ARHGEF28: variants seen among roughly 807,000 people sequenced by gnomAD.
ARHGEF28 encodes 190 kDa guanine nucleotide exchange factor.
ARHGEF28 carries 152 observed loss-of-function variants against 206.6 expected under a neutral mutation model. The observed-to-expected ratio is 0.74, with a 90% CI of 0.64 to 0.84. The LOEUF is 0.84. Among genes scored for constraint, ARHGEF28 ranks in the 40% least tolerant of loss-of-function variants. ARHGEF28 has a pLI of 0.00. For missense variants in ARHGEF28, 2,028 were observed against 2,073.2 expected (o/e 0.98, Z 0.42); for synonymous variants, 763 against 776.4 (o/e 0.98, Z 0.29).
At chr5:73,911,194 G>C in intron 34 of ARHGEF28, 81 bp from the exon 35 acceptor site, 1 of 1,322,744 alleles carries the variant, frequency 7.6e-7, no homozygotes, top group South Asian at 1.5e-5. Flanking sequence ...TGATTCCTAA[G>C]ATTCTCTCAG....
intron 9 of ARHGEF28, among the ~76,000 whole-genome samples, chr5:73,802,735 A>C (rs905580403): frequency 3.9e-5 from 6 of 152,210 alleles, no homozygotes; most frequent in African/African-American, 1.4e-4. Flanking sequence ...GTTTTATAAA[A>C]AGTTAAAATA....
rs117665428 is a variant in ARHGEF28, at chr5:73,938,845, G to A, written c.4949-1999G>A. 2.2e-3 allele frequency among the ~76,000 whole-genome samples: 329 copies of A among 151,960 alleles called. 11 individuals are homozygous for A. In the East Asian group the frequency reaches 0.053, roughly 24 times the overall value. The stretch of plus-strand genomic sequence containing the variant: ...CCCTGACAAGGAAATCATTGCCTGG[G>A]AATATTTTTGTTCGCCCGATTAAGG... On this transcript the variant is annotated intron_variant, in intron 35 of 35. Transcript: ENST00000513042.
At chr5:73,697,452 A>G (rs1325993358) in intron 2 of ARHGEF28, among the ~76,000 whole-genome samples, 1 of 152,220 alleles carries the variant, frequency 6.6e-6, no homozygotes, top group Non-Finnish European at 1.5e-5. Context: ...TGGGAAGTCC[A>G]AAGTTGAGGG....
intron 24 of ARHGEF28, 97 bp downstream of exon 24, chr5:73,883,981 T>G (rs1378209998): frequency 6.6e-6 from 4 of 606,098 alleles, no homozygotes; most frequent in Non-Finnish European, 1.0e-5. Flanking sequence ...TGGTCTCTGA[T>G]TCATAAAGAG....
At chr5:73,919,027 G>A (rs187769666) in intron 35 of ARHGEF28, among the ~76,000 whole-genome samples, 1 of 152,142 alleles carries the variant, frequency 6.6e-6, no homozygotes, top group South Asian at 2.1e-4. Flanking sequence ...CCTGGACTCT[G>A]GCTCCTACTG....
chr5:73,639,839 A>ATT (rs1231270946), intron 1 of ARHGEF28, among the ~76,000 whole-genome samples: 1 of 152,206 alleles, frequency 6.6e-6, no homozygotes, highest in Non-Finnish European at 1.5e-5. Context: ...GATTAGTGGT[A>ATT]TGCTTTTTCA....
chr5:73,704,821 G>T (rs1748838498), intron 2 of ARHGEF28, among the ~76,000 whole-genome samples: 2 of 152,134 alleles, frequency 1.3e-5, no homozygotes, highest in Non-Finnish European at 2.9e-5. Flanking sequence ...AACCTCTTTG[G>T]TTGGGATTTG....
chr5:73,827,074 A>G (rs1206984059), intron 9 of ARHGEF28, among the ~76,000 whole-genome samples: 1 of 152,190 alleles, frequency 6.6e-6, no homozygotes, highest in African/African-American at 2.4e-5. Context: ...TTTATCCTGC[A>G]GTTATAATCC....
At chr5:73,891,260 G>A (rs570600832) in intron 26 of ARHGEF28, among the ~76,000 whole-genome samples, 98 of 152,180 alleles carry the variant, frequency 6.4e-4, no homozygotes, top group Non-Finnish European at 1.2e-3. Flanking sequence ...GGAATCAAAG[G>A]TCTTGCCACT....
chr5:73,635,864 C>T (rs1300318105), intron 1 of ARHGEF28, among the ~76,000 whole-genome samples: 2 of 152,152 alleles, frequency 1.3e-5, no homozygotes, highest in Non-Finnish European at 2.9e-5. Flanking sequence ...GCACAAAACG[C>T]ATTGCCAATG....
chr5:73,898,202 A>G (rs371352540), intron 30 of ARHGEF28, 109 bp downstream of exon 30: 1 of 1,337,780 alleles, frequency 7.5e-7, no homozygotes, highest in Non-Finnish European at 1.0e-6. Flanking sequence ...GGGACTTGAT[A>G]TATTTTTTTA....
intron 1 of ARHGEF28, among the ~76,000 whole-genome samples, chr5:73,663,388 G>A (rs1745742862): frequency 1.3e-5 from 2 of 152,328 alleles, no homozygotes; most frequent in Middle Eastern, 6.8e-3. Flanking sequence ...GGACTGGTGT[G>A]CCCTCGTTTC....
chr5:73,827,601 G>T (rs987886756), intron 9 of ARHGEF28, among the ~76,000 whole-genome samples: 3 of 152,148 alleles, frequency 2.0e-5, no homozygotes, highest in African/African-American at 7.2e-5. Flanking sequence ...ATAGGTGGTG[G>T]AGTAGAGACT....
At chr5:73,925,702 T>TGGAAC (rs765628071) in intron 35 of ARHGEF28, among the ~76,000 whole-genome samples, 9 of 152,166 alleles carry the variant, frequency 5.9e-5, no homozygotes, top group Non-Finnish European at 1.0e-4. Context: ...TGGAATGGAA[T>TGGAAC]GGAACACTTT....
intron 4 of ARHGEF28, among the ~76,000 whole-genome samples, chr5:73,755,413 G>C (rs1752253921): frequency 6.6e-6 from 1 of 152,058 alleles, no homozygotes; most frequent in South Asian, 2.1e-4. Context: ...GGCAGATGCA[G>C]GTTAGTCCCA....
chr5:73,797,062 T>C (rs1754865105), intron 9 of ARHGEF28, among the ~76,000 whole-genome samples: 1 of 152,344 alleles, frequency 6.6e-6, no homozygotes, highest in Admixed American at 6.5e-5. Context: ...CTACGGAAAT[T>C]GTAGTAGTCT....
At chr5:73,729,685 G>A (rs979746701) in intron 2 of ARHGEF28, among the ~76,000 whole-genome samples, 3 of 151,984 alleles carry the variant, frequency 2.0e-5, no homozygotes, top group Non-Finnish European at 2.9e-5. Context: ...AGCTTCTTTT[G>A]ATATTATGGA....
Position 73,870,009 on chromosome 5 carries a change from G to A in ARHGEF28, c.2426-60G>A, listed in dbSNP as rs746815701. On this transcript the variant is annotated intron_variant, in intron 20 of 35. Coordinates refer to ENST00000513042, the MANE Select transcript of ARHGEF28 (RefSeq NM_001177693.2). ...GTGAGGAATCCATAGACAAATATAC[G>A]AAGGTATATTTGTGCTGCATTATTG... 8 of 1,543,970 alleles carry A rather than the reference G, an allele frequency of 5.2e-6. 1 individual carries two copies. The highest frequency in any genetic ancestry group is 4.8e-5 in the South Asian group (4 of 83,584).
intron 5 of ARHGEF28, among the ~76,000 whole-genome samples, chr5:73,775,313 T>C (rs778752762): frequency 1.3e-5 from 2 of 152,158 alleles, no homozygotes; most frequent in Non-Finnish European, 2.9e-5. Context: ...AGAAGTAGAG[T>C]GTAAGCTAAA....
Sources: gnomAD v4.1 joint callset for allele counts (sites outside exome capture counted in the v4.1 genomes callset) on GRCh38, gnomAD v4.1.1 for gene constraint, MANE v1.5 for transcripts, NCBI Gene and HGNC (gene_info 2026-07-23, HGNC 2026-07-21) for gene names.